ZNF704: variants seen among roughly 807,000 people sequenced by gnomAD.
ZNF704 encodes zinc finger protein 704, also known as glucocorticoid induced gene 1.
ZNF704 carries 10 observed loss-of-function variants against 44.7 expected under a neutral mutation model. That is an observed-to-expected ratio of 0.22 (90% confidence interval 0.14 to 0.38). The LOEUF (loss-of-function observed/expected upper bound fraction) is 0.38, where lower values mean the gene tolerates loss of function less well. ZNF704 is among the 10% of genes least tolerant of loss of function. ZNF704 has a pLI of 1.00. For synonymous variants in ZNF704, 211 were observed against 207.6 expected (o/e 1.02, Z -0.14); for missense variants, 390 against 545.5 (o/e 0.71, Z 2.84).
chr8:80,760,249 G>C (rs1365417893), intron 2 of ZNF704, among the ~76,000 whole-genome samples: 1 of 152,188 alleles, frequency 6.6e-6, no homozygotes, highest in East Asian at 1.9e-4. Flanking sequence ...GAATGTACAG[G>C]TGTCTCCAAA....
At chr8:80,717,869 G>A (rs1258650511) in intron 2 of ZNF704, among the ~76,000 whole-genome samples, 1 of 152,098 alleles carries the variant, frequency 6.6e-6, no homozygotes, top group Non-Finnish European at 1.5e-5. Context: ...CATGCCATTC[G>A]AGGCCATTCA....
chr8:80,743,138 T>C (rs1349782460), intron 2 of ZNF704, among the ~76,000 whole-genome samples: 2 of 127,486 alleles, frequency 1.6e-5, no homozygotes, highest in Non-Finnish European at 3.1e-5. Context: ...CCACTTTGGG[T>C]CCCCTCCCTT....
Position 80,800,552 on chromosome 8 carries a change from G to A in ZNF704, c.221+20822C>T, listed in dbSNP as rs111736136. Among the ~76,000 whole-genome samples, 519 of 152,142 alleles carry A rather than the reference G, an allele frequency of 3.4e-3. 7 individuals are homozygous for A. The highest frequency in any genetic ancestry group is 0.012 in the African/African-American group (497 of 41,512). On this transcript the variant is annotated intron_variant, in intron 2 of 8. Coordinates refer to ENST00000327835, the MANE Select transcript of ZNF704 (RefSeq NM_001033723.3). ...ATTTTCAACCCAGAATGTCACATCCGGCCAAATTAAACTTCATAAGCAAAG... is the reference window on the plus strand; with the variant it reads ...ATTTTCAACCCAGAATGTCACATCCAGCCAAATTAAACTTCATAAGCAAAG...
chr8:80,769,850 C>A (rs960376827), intron 2 of ZNF704, among the ~76,000 whole-genome samples: 2 of 152,014 alleles, frequency 1.3e-5, no homozygotes, highest in African/African-American at 4.8e-5. Flanking sequence ...TCTACTGGTA[C>A]CAATTTACTG....
At chr8:80,731,101 G>C (rs1189002616) in intron 2 of ZNF704, among the ~76,000 whole-genome samples, 1 of 152,194 alleles carries the variant, frequency 6.6e-6, no homozygotes, top group Admixed American at 6.5e-5. Flanking sequence ...TTTGAAGCCA[G>C]AATGGCCATC....
intron 2 of ZNF704, among the ~76,000 whole-genome samples, chr8:80,696,826 G>A (rs745319067): frequency 3.3e-5 from 5 of 152,292 alleles, no homozygotes; most frequent in South Asian, 2.1e-4. Context: ...CCTTACCCAC[G>A]TAGCCTGAGG....
At chr8:80,665,183 C>T in intron 5 of ZNF704, 101 bp from the exon 6 acceptor site, 4 of 1,334,986 alleles carry the variant, frequency 3.0e-6, no homozygotes, top group Non-Finnish European at 3.1e-6. Context: ...GCTTTTCCTC[C>T]CTCTTGTTTG....
At chr8:80,798,304 G>A (rs926204884) in intron 2 of ZNF704, among the ~76,000 whole-genome samples, 1 of 150,718 alleles carries the variant, frequency 6.6e-6, no homozygotes, top group African/African-American at 2.4e-5. Flanking sequence ...TGCCCAGGCT[G>A]GAGTACCATG....
At chr8:80,657,693 G>GA (rs796181687) in intron 7 of ZNF704, among the ~76,000 whole-genome samples, 222 of 78,288 alleles carry the variant, frequency 2.8e-3, no homozygotes, top group Middle Eastern at 8.9e-3. Context: ...CCTGTTTCAA[G>GA]AAAAAAAAAA....
chr8:80,723,778 G>C (rs1028525449), intron 2 of ZNF704, among the ~76,000 whole-genome samples: 1 of 152,200 alleles, frequency 6.6e-6, no homozygotes, highest in Non-Finnish European at 1.5e-5. Flanking sequence ...GAGGATTCAT[G>C]AGCAAAAAGT....
intron 2 of ZNF704, among the ~76,000 whole-genome samples, chr8:80,806,389 T>C (rs1807989615): frequency 6.6e-6 from 1 of 152,140 alleles, no homozygotes; most frequent in Non-Finnish European, 1.5e-5. Context: ...ACATATACAA[T>C]GGGATGCCTG....
intron 2 of ZNF704, among the ~76,000 whole-genome samples, chr8:80,819,441 T>G (rs1808228728): frequency 6.6e-6 from 1 of 152,142 alleles, no homozygotes; most frequent in Non-Finnish European, 1.5e-5. Context: ...TCCAGGTCTT[T>G]TAACATATAC....
intron 1 of ZNF704, among the ~76,000 whole-genome samples, chr8:80,837,760 C>T (rs933105813): frequency 3.3e-5 from 5 of 152,128 alleles, no homozygotes; most frequent in Non-Finnish European, 7.4e-5. Flanking sequence ...TATTTCTTTT[C>T]GAAGGAGGCC....
intron 2 of ZNF704, among the ~76,000 whole-genome samples, chr8:80,811,085 T>C (rs1413057638): frequency 2.0e-5 from 3 of 152,304 alleles, no homozygotes; most frequent in Non-Finnish European, 4.4e-5. Context: ...AACTTATGCT[T>C]TATTCTAAAG....
intron 7 of ZNF704, among the ~76,000 whole-genome samples, chr8:80,654,729 T>C (rs1047481862): frequency 4.6e-5 from 7 of 152,330 alleles, no homozygotes; most frequent in South Asian, 2.1e-4. Flanking sequence ...AGGAACACTT[T>C]TACACTGTTG....
At chr8:80,828,121 A>G (rs1316333637) in intron 1 of ZNF704, among the ~76,000 whole-genome samples, 1 of 152,218 alleles carries the variant, frequency 6.6e-6, no homozygotes, top group Non-Finnish European at 1.5e-5. Flanking sequence ...AGCAAAAGAA[A>G]CTACCATCAG....
chr8:80,657,712 C>A (rs1359256154), intron 7 of ZNF704, among the ~76,000 whole-genome samples: 2 of 149,684 alleles, frequency 1.3e-5, no homozygotes, highest in African/African-American at 2.5e-5. Flanking sequence ...AAAAAAAAAG[C>A]TCACATAGGA....
intron 2 of ZNF704, among the ~76,000 whole-genome samples, chr8:80,729,823 A>C (rs1217971684): frequency 1.3e-5 from 2 of 152,198 alleles, no homozygotes; most frequent in African/African-American, 4.8e-5. Flanking sequence ...ATTTCACTGA[A>C]GCAGGGCTGA....
upstream of ZNF704, among the ~76,000 whole-genome samples, chr8:80,878,290 AAG>A (rs1809385533): frequency 1.3e-5 from 2 of 151,572 alleles, no homozygotes. Flanking sequence ...GGAAGGAAGG[AAG>A]GAAGGAAGGA....
Sources: allele counts gnomAD v4.1 joint callset (sites outside exome capture counted in the v4.1 genomes callset), GRCh38; gene constraint gnomAD v4.1.1; transcripts MANE v1.5; gene names NCBI Gene and HGNC (gene_info 2026-07-23, HGNC 2026-07-21).